C6orf132: variants seen among roughly 807,000 people sequenced by gnomAD.
C6orf132 encodes the protein uncharacterized protein C6orf132.
In C6orf132, 43 loss-of-function variants were observed where a neutral mutation model predicts 65.3. That is an observed-to-expected ratio of 0.66 (90% CI 0.52 to 0.85). The LOEUF is 0.85. C6orf132 is among the 40% of genes least tolerant of loss of function. C6orf132 has a pLI of 0.00. For missense variants in C6orf132, 1,488 were observed against 1,548.8 expected, an observed-to-expected ratio of 0.96 and a Z score of 0.66; for synonymous variants, 631 against 654.1, an observed-to-expected ratio of 0.96 and a Z score of 0.54.
Position 42,101,169 on chromosome 6 carries a change from A to G in C6orf132, c.*2592T>C, listed in dbSNP as rs1362984707. On this transcript the variant is annotated 3_prime_UTR_variant, in exon 5 of 5. Transcript: ENST00000341865. Reference sequence around the variant, plus strand: ...GAAAACTGTGACAGGCCATATACAAATGTGAGGTATTCATCACCCAAAGAT... The same window carrying G: ...GAAAACTGTGACAGGCCATATACAAGTGTGAGGTATTCATCACCCAAAGAT... 1 of 152,168 alleles carries G rather than the reference A, an allele frequency of 6.6e-6. No individual in the cohort carries two copies. The highest frequency in any genetic ancestry group is 1.5e-5 in the Non-Finnish European group (1 of 68,024). 9.4% of individuals were successfully genotyped at this position (152,168 alleles called of 1,614,324 possible). A position where few individuals can be genotyped will look rare whatever the true frequency, so the allele number is the denominator to read the frequency against.
At position 42,123,015 on chromosome 6, in the gene C6orf132, G is replaced by A. The variant is rs759628600; in HGVS notation, c.252+5657C>T. ...CCCTGGCGATGGCTTGATTCAGACTGGGGAGGGCAAGAGAGAACCCCAGAA... is the reference window on the plus strand; with the variant it reads ...CCCTGGCGATGGCTTGATTCAGACTAGGGAGGGCAAGAGAGAACCCCAGAA... On this transcript the variant is annotated intron_variant, in intron 2 of 4. Coordinates refer to ENST00000341865, the MANE Select transcript of C6orf132 (RefSeq NM_001164446.3). Among the ~76,000 whole-genome samples the A allele has an allele frequency of 1.3e-5, 2 of 152,174 alleles. 1 individual carries two copies. The highest frequency in any genetic ancestry group is 4.1e-4 in the South Asian group (2 of 4,832).
chr6:42,109,013 T>C (rs1766456443), intron 3 of C6orf132, among the ~76,000 whole-genome samples: 1 of 152,138 alleles, frequency 6.6e-6, no homozygotes. Context: ...CAAACACTGG[T>C]CCTCCTAGGG....
intron 2 of C6orf132, among the ~76,000 whole-genome samples, chr6:42,117,598 G>A (rs1562036852): frequency 6.6e-6 from 1 of 152,228 alleles, no homozygotes; most frequent in East Asian, 1.9e-4. Context: ...GAATGAATAT[G>A]TTCCTGGATG....
In C6orf132 at chr6:42,124,915, G is replaced by A. The variant is rs1165855052; in HGVS notation, c.252+3757C>T. Among the ~76,000 whole-genome samples the A allele has an allele frequency of 6.6e-6, 1 of 152,252 alleles. No individual in the cohort carries two copies. The highest frequency in any genetic ancestry group is 1.5e-5 in the Non-Finnish European group (1 of 68,042). On this transcript the variant is annotated intron_variant, in intron 2 of 4. Transcript: ENST00000341865. The surrounding 1 kb of genome is among the most constrained non-coding windows in gnomAD (Gnocchi z 4.0). ...CCCTATCTTGTGACCTGAGTGAGGA[G>A]CACAGAAGAGTCCCTGTGATGTGGG...
Position 42,106,041 on chromosome 6 carries a change from G to T in C6orf132, c.1871C>A (p.Thr624Asn). The T allele has an allele frequency of 6.5e-7, 1 of 1,537,252 alleles. No individual in the cohort carries two copies. Among genetic ancestry groups the T allele is most frequent in the Non-Finnish European group, 8.7e-7 (1 of 1,146,900 alleles). ...VAKNLPPQST[T>N]LLPTTSLQPK... Reference sequence around the variant, plus strand: ...CTGGAGTGATGTAGTTGGCAGCAGGGTGGTGGATTGAGGTGGCAGATTCTT... The same window carrying T: ...CTGGAGTGATGTAGTTGGCAGCAGGTTGGTGGATTGAGGTGGCAGATTCTT... Residue 624 changes from threonine (T) to asparagine (N), a missense_variant, in exon 4 of 5, where the codon ACC (threonine) becomes AAC (asparagine). Physicochemically the swap from Thr to Asn is moderately conservative, Grantham distance 65 (BLOSUM62 0). Transcript: ENST00000341865.
chr6:42,142,574 G>A lies in C6orf132; in HGVS notation c.-130C>T. ...ATGTCCCCCGCCGTCCTCCCCGCCC[G>A]CGCACCGGGCAACAGGTGCTGCGGG... On this transcript the variant is annotated 5_prime_UTR_variant, in exon 1 of 5. Coordinates refer to ENST00000341865, the MANE Select transcript of C6orf132 (RefSeq NM_001164446.3). 5 of 789,606 alleles carry A rather than the reference G, an allele frequency of 6.3e-6. No individual in the cohort carries two copies. Among genetic ancestry groups the A allele is most frequent in the Non-Finnish European group, 6.9e-6 (4 of 580,152 alleles). The allele number at this position is 789,606 out of a possible 1,614,324, so 48.9% of individuals were successfully genotyped here.
In C6orf132 at chr6:42,107,363, C is replaced by A; in HGVS notation, c.549G>T (p.Pro183=). The part of the protein sequence containing the change: ...PPPLLLEPPP[P]PSMAPPPPPV... ...GGGGTGGAGGTGGGGCCATGCTGGG[C>A]GGGGGTGGGGGTTCCAGCAGCAGGG... Residue 183 remains proline (P), a synonymous_variant, in exon 4 of 5, where the codon CCG becomes CCT. Coordinates refer to ENST00000341865, the MANE Select transcript of C6orf132 (RefSeq NM_001164446.3). The A allele has an allele frequency of 4.1e-6, 1 of 245,664 alleles. No individual in the cohort carries two copies. The highest frequency in any genetic ancestry group is 7.1e-6 in the Non-Finnish European group (1 of 140,140). 15.2% of individuals were successfully genotyped at this position (245,664 alleles called of 1,614,324 possible). A position where few individuals can be genotyped will look rare whatever the true frequency, so the allele number is the denominator to read the frequency against.
chr6:42,104,575 CGG>C lies in C6orf132; in HGVS notation c.3335_3336del (p.Pro1112ArgfsTer83), dbSNP rs1358810878. ...GACAGCCTCGGCGCGTGCAGGCCTC[CGG>C]GGGGCGCGCGACCCGCCGAGTTCAC... ...RRVNSAGRAP[P>X]GGLHAPRLSL... is the part of the protein sequence containing the mutation. On this transcript the variant is annotated frameshift_variant, in exon 4 of 5. Coordinates refer to ENST00000341865, the MANE Select transcript of C6orf132 (RefSeq NM_001164446.3). LOFTEE classifies it high-confidence loss of function. This position sits in a 1 kb window ranked among gnomAD's most constrained non-coding sequence, Gnocchi z 4.1. 7.6e-7 allele frequency: 1 copy of C among 1,322,954 alleles called. No homozygotes were observed. The highest frequency in any genetic ancestry group is 1.5e-5 in the African/African-American group (1 of 64,710). 82.0% of individuals were successfully genotyped at this position (1,322,954 alleles called of 1,614,324 possible). A position where few individuals can be genotyped will look rare whatever the true frequency, so the allele number is the denominator to read the frequency against.
intron 2 of C6orf132, among the ~76,000 whole-genome samples, chr6:42,111,049 T>G (rs1041722217): frequency 1.3e-5 from 2 of 152,112 alleles, no homozygotes; most frequent in Admixed American, 6.6e-5. Flanking sequence ...AAAGCCAAAC[T>G]CCTCAGCCTG....
Position 42,103,778 on chromosome 6 carries a change from G to A in C6orf132, c.3550C>T (p.Arg1184Trp). ...CCCCTGGCTCAGGAGGTGGCTTTCC[G>A]ATGGGCCCCTGAGCAGACATAGGAG... ...PISYVCSGAH[R>W]KATS The change falls in exon 5 of 5, where the codon CGG (arginine) becomes TGG (tryptophan). Residue 1184 changes from arginine to tryptophan, a missense_variant. Arg to Trp is a moderately radical substitution (Grantham distance 101, BLOSUM62 -3). Coordinates refer to ENST00000341865, the MANE Select transcript of C6orf132 (RefSeq NM_001164446.3). 3 of 1,428,498 alleles carry A rather than the reference G, an allele frequency of 2.1e-6. No homozygotes were observed. The highest frequency in any genetic ancestry group is 1.5e-5 in the African/African-American group (1 of 68,456). The allele number at this position is 1,428,498 out of a possible 1,614,324, so 88.5% of individuals were successfully genotyped here.
chr6:42,108,832 C>T (rs986846803), intron 3 of C6orf132, among the ~76,000 whole-genome samples: 4 of 152,066 alleles, frequency 2.6e-5, no homozygotes, highest in African/African-American at 7.2e-5. Flanking sequence ...AACAGTGTGG[C>T]GAACCTGGGG....
intron 1 of C6orf132, among the ~76,000 whole-genome samples, chr6:42,141,927 G>C (rs1022208722): frequency 2.0e-5 from 3 of 152,150 alleles, no homozygotes; most frequent in African/African-American, 7.2e-5. Flanking sequence ...TGGGGGTGTA[G>C]CGGTGGGGGT....
chr6:42,137,108 G>C (rs887503589), intron 1 of C6orf132, among the ~76,000 whole-genome samples: 3 of 152,220 alleles, frequency 2.0e-5, no homozygotes, highest in Non-Finnish European at 2.9e-5. Context: ...GAATGGCTGA[G>C]TCATTTCACC....
At chr6:42,107,713 A>G (rs1766436365) in intron 3 of C6orf132, 130 bp from the exon 4 acceptor site, 11 of 1,135,146 alleles carry the variant, frequency 9.7e-6, no homozygotes. Flanking sequence ...CCTGAACACC[A>G]AGAGAGGGAG....
At chr6:42,128,803 C>T in intron 1 of C6orf132, 25 bp from the exon 2 acceptor site, 1 of 1,518,782 alleles carries the variant, frequency 6.6e-7, no homozygotes, top group South Asian at 1.2e-5. Context: ...TGAGGGGACA[C>T]CATAAGCTGG....
intron 2 of C6orf132, among the ~76,000 whole-genome samples, chr6:42,112,527 AC>A (rs1273829636): frequency 1.3e-5 from 2 of 152,192 alleles, no homozygotes; most frequent in Non-Finnish European, 2.9e-5. Flanking sequence ...CAATACAATT[AC>A]CCATAGTAGG....
chr6:42,111,601 T>A (rs772417256), intron 2 of C6orf132, among the ~76,000 whole-genome samples: 4 of 152,094 alleles, frequency 2.6e-5, no homozygotes, highest in Non-Finnish European at 5.9e-5. Flanking sequence ...TTTTTGTATA[T>A]GTTTTAGAGA....
intron 2 of C6orf132, among the ~76,000 whole-genome samples, chr6:42,122,168 C>T (rs891535368): frequency 6.6e-6 from 1 of 152,232 alleles, no homozygotes; most frequent in African/African-American, 2.4e-5. Flanking sequence ...GCATCTTCCT[C>T]TGGACCTATC....
intron 1 of C6orf132, among the ~76,000 whole-genome samples, chr6:42,138,885 G>T (rs1381115448): frequency 2.6e-5 from 1 of 38,622 alleles, no homozygotes; most frequent in Non-Finnish European, 6.9e-5. Flanking sequence ...ACACACACTC[G>T]TGTGGCCTTG....
Sources: gnomAD v4.1 joint callset for allele counts (sites outside exome capture counted in the v4.1 genomes callset) on GRCh38, gnomAD v4.1.1 for gene constraint, Gnocchi (gnomAD v3.1) non-coding constraint, MANE v1.5 for transcripts, NCBI Gene and HGNC (gene_info 2026-07-23, HGNC 2026-07-21) for gene names.